ADAMTS17: variants seen among roughly 807,000 people sequenced by gnomAD.
ADAMTS17 encodes the protein A disintegrin and metalloproteinase with thrombospondin motifs 17.
In ADAMTS17, 113 loss-of-function variants were observed where a neutral mutation model predicts 141.5. That is an observed-to-expected ratio of 0.80 (90% CI 0.69 to 0.93). The LOEUF (loss-of-function observed/expected upper bound fraction) is 0.93, where lower values mean the gene tolerates loss of function less well. ADAMTS17 is among the 40% of genes least tolerant of loss of function. The pLI, the probability that ADAMTS17 is intolerant of heterozygous loss-of-function variation, is 0.00. For missense variants in ADAMTS17, 1,659 were observed against 1,517.9 expected (o/e 1.09, Z -1.54); for synonymous variants, 768 against 630.6 (o/e 1.22, Z -3.27).
intron 8 of ADAMTS17, among the ~76,000 whole-genome samples, chr15:100,169,658 C>G (rs1388931753): frequency 1.3e-5 from 2 of 152,166 alleles, no homozygotes; most frequent in African/African-American, 4.8e-5. Context: ...GAGCAAAGAA[C>G]CGGCACCTGC....
chr15:100,073,628 C>G (rs974080458), intron 15 of ADAMTS17, among the ~76,000 whole-genome samples: 1 of 151,808 alleles, frequency 6.6e-6, no homozygotes, highest in Non-Finnish European at 1.5e-5. Flanking sequence ...ATGGATGAAG[C>G]TGGAAACCAT....
chr15:100,325,860 T>C (rs1013326407), intron 3 of ADAMTS17, among the ~76,000 whole-genome samples: 20 of 152,114 alleles, frequency 1.3e-4, no homozygotes, highest in African/African-American at 3.6e-4. Context: ...ACTAACACAA[T>C]AGCCATCTGC....
intron 7 of ADAMTS17, among the ~76,000 whole-genome samples, chr15:100,238,757 C>A (rs1037370538): frequency 6.6e-6 from 1 of 152,116 alleles, no homozygotes; most frequent in Non-Finnish European, 1.5e-5. Context: ...CATCTGCTCA[C>A]AGGAATAATG....
At chr15:100,140,926 C>T (rs570715385) in intron 10 of ADAMTS17, among the ~76,000 whole-genome samples, 59 of 152,248 alleles carry the variant, frequency 3.9e-4, no homozygotes, top group Non-Finnish European at 7.1e-4. Context: ...TGGGCTTCAG[C>T]GACACGTGAT....
chr15:100,180,636 C>T (rs749984218), intron 8 of ADAMTS17, among the ~76,000 whole-genome samples: 11 of 152,112 alleles, frequency 7.2e-5, no homozygotes, highest in Non-Finnish European at 1.5e-4. Context: ...AGTATTTATT[C>T]TTACAATTCA....
intron 7 of ADAMTS17, among the ~76,000 whole-genome samples, chr15:100,245,473 CT>C (rs1218940257): frequency 6.6e-6 from 1 of 152,244 alleles, no homozygotes; most frequent in African/African-American, 2.4e-5. Flanking sequence ...TGGTCTCTGT[CT>C]AGTTCCAAAG....
At chr15:100,053,659 C>T (rs906236328) in intron 16 of ADAMTS17, among the ~76,000 whole-genome samples, 5 of 152,062 alleles carry the variant, frequency 3.3e-5, no homozygotes, top group African/African-American at 4.8e-5. Context: ...GATAGGAGCT[C>T]GGCCAGGGAA....
intron 7 of ADAMTS17, among the ~76,000 whole-genome samples, chr15:100,235,603 G>A (rs1333205043): frequency 2.0e-5 from 3 of 152,178 alleles, no homozygotes; most frequent in Non-Finnish European, 4.4e-5. Flanking sequence ...AGGAAGCTGA[G>A]AATGTGCATT....
At position 99,974,134 on chromosome 15, in the gene ADAMTS17, T is replaced by G; in HGVS notation, c.*268A>C. 1.9e-6 allele frequency: 1 copy of G among 529,652 alleles called. No individual in the cohort carries two copies. The highest frequency in any genetic ancestry group is 3.4e-6 in the Non-Finnish European group (1 of 292,536). 32.8% of individuals were successfully genotyped at this position (529,652 alleles called of 1,614,324 possible). A position where few individuals can be genotyped will look rare whatever the true frequency, so the allele number is the denominator to read the frequency against. ...CTTGACGGTTGTCTGCCAGAGGTGC[T>G]TCCCTTCGAGGTACCTGAAATCCTA... On this transcript the variant is annotated 3_prime_UTR_variant, in exon 22 of 22. Transcript: ENST00000268070.
chr15:100,217,631 T>G (rs565134172), intron 7 of ADAMTS17, among the ~76,000 whole-genome samples: 1 of 152,240 alleles, frequency 6.6e-6, no homozygotes, highest in African/African-American at 2.4e-5. Context: ...TAAATATTTG[T>G]GATCCTGGGT....
At chr15:100,198,232 G>A (rs1384313041) in intron 8 of ADAMTS17, among the ~76,000 whole-genome samples, 2 of 152,094 alleles carry the variant, frequency 1.3e-5, no homozygotes, top group Non-Finnish European at 2.9e-5. Flanking sequence ...CAGTGGATAT[G>A]GACCAGCATT....
chr15:100,328,539 T>A (rs1315871607), intron 3 of ADAMTS17, among the ~76,000 whole-genome samples: 1 of 152,174 alleles, frequency 6.6e-6, no homozygotes, highest in Non-Finnish European at 1.5e-5. Flanking sequence ...AAGGAGAGAT[T>A]GTATTTTTAA....
intron 10 of ADAMTS17, among the ~76,000 whole-genome samples, chr15:100,140,060 A>G (rs532940155): frequency 1.3e-5 from 2 of 152,158 alleles, no homozygotes; most frequent in African/African-American, 4.8e-5. Flanking sequence ...CAGTGGTGCA[A>G]TCTCAGCTCA....
chr15:100,102,422 G>C (rs542616213), intron 14 of ADAMTS17, among the ~76,000 whole-genome samples: 1 of 77,118 alleles, frequency 1.3e-5, no homozygotes, highest in Non-Finnish European at 2.3e-5. Flanking sequence ...AGGGCCGACC[G>C]AAGGGGATCT....
chr15:100,295,704 A>AGACACT (rs1201983786), intron 3 of ADAMTS17, among the ~76,000 whole-genome samples: 2 of 152,222 alleles, frequency 1.3e-5, no homozygotes, highest in African/African-American at 4.8e-5. Context: ...TTGCTCGTGC[A>AGACACT]GACACTGACA....
intron 8 of ADAMTS17, among the ~76,000 whole-genome samples, chr15:100,162,925 T>G (rs368934083): frequency 1.4e-5 from 2 of 142,058 alleles, no homozygotes; most frequent in Non-Finnish European, 3.0e-5. Flanking sequence ...TGTATATATA[T>G]AACTATATAT....
At chr15:100,212,901 C>G (rs923984226) in intron 7 of ADAMTS17, among the ~76,000 whole-genome samples, 1 of 151,942 alleles carries the variant, frequency 6.6e-6, no homozygotes, top group Non-Finnish European at 1.5e-5. Flanking sequence ...TAGGGTGACG[C>G]GTACCTTTTT....
intron 7 of ADAMTS17, among the ~76,000 whole-genome samples, chr15:100,215,698 C>T (rs971937039): frequency 1.3e-5 from 2 of 152,226 alleles, no homozygotes; most frequent in East Asian, 1.9e-4. Context: ...GGATGATGCA[C>T]AAGGCCCCTG....
At chr15:100,206,047 C>G (rs1200052982) in intron 7 of ADAMTS17, among the ~76,000 whole-genome samples, 1 of 152,232 alleles carries the variant, frequency 6.6e-6, no homozygotes. Context: ...GAGCCACACC[C>G]TCATTCTGAC....
Sources: gnomAD v4.1 joint callset for allele counts (sites outside exome capture counted in the v4.1 genomes callset) on GRCh38, gnomAD v4.1.1 for gene constraint, MANE v1.5 for transcripts, NCBI Gene and HGNC (gene_info 2026-07-23, HGNC 2026-07-21) for gene names.